DLC1: variants seen among roughly 807,000 people sequenced by gnomAD.
The protein encoded by DLC1 is rho GTPase-activating protein 7.
In DLC1, 54 loss-of-function variants were observed where a neutral mutation model predicts 140.3. That is an observed-to-expected ratio of 0.38 (90% CI 0.31 to 0.48). DLC1 has a LOEUF of 0.48. Ranked by LOEUF, DLC1 falls within the 20% of genes least tolerant of loss-of-function variation. The pLI, the probability that DLC1 is intolerant of heterozygous loss-of-function variation, is 0.96. For missense variants in DLC1, 2,536 were observed against 1,907.0 expected, an observed-to-expected ratio of 1.33 and a Z score of -6.14; for synonymous variants, 986 against 728.1, an observed-to-expected ratio of 1.35 and a Z score of -5.70.
chr8:13,157,791 T>G (rs1307836419), intron 5 of DLC1, among the ~76,000 whole-genome samples: 1 of 152,244 alleles, frequency 6.6e-6, no homozygotes, highest in African/African-American at 2.4e-5. Context: ...ATAATTTTTA[T>G]TACACTTGGA....
At chr8:13,184,363 C>T (rs1346782235) in intron 5 of DLC1, among the ~76,000 whole-genome samples, 1 of 152,024 alleles carries the variant, frequency 6.6e-6, no homozygotes, top group Non-Finnish European at 1.5e-5. Context: ...TTTGCTCTTG[C>T]TTCTCTAGTT....
At chr8:13,451,061 A>AAAAAAAAAAAAAAAAAAAAAAAAAAAG (rs1563357501) in intron 2 of DLC1, among the ~76,000 whole-genome samples, 1 of 138,404 alleles carries the variant, frequency 7.2e-6, no homozygotes, top group Admixed American at 7.2e-5. Context: ...AAAAAAAAAA[A>AAAAAAAAAAAAAAAAAAAAAAAAAAAG]AAAAAAAGAA....
chr8:13,543,543 A>T (rs1446037458), intron 1 of DLC1, among the ~76,000 whole-genome samples: 2 of 152,188 alleles, frequency 1.3e-5, no homozygotes, highest in Non-Finnish European at 2.9e-5. Context: ...GAGATATGGA[A>T]CCAACCTAAG....
At chr8:13,402,368 G>A (rs1421109886) in intron 2 of DLC1, among the ~76,000 whole-genome samples, 1 of 152,128 alleles carries the variant, frequency 6.6e-6, no homozygotes, top group African/African-American at 2.4e-5. Flanking sequence ...CAACCATTCT[G>A]GTGTGTTTAA....
intron 2 of DLC1, among the ~76,000 whole-genome samples, chr8:13,453,420 A>ATTTTTTTTTTTTT (rs1218533007): frequency 4.4e-5 from 1 of 22,710 alleles, no homozygotes; most frequent in Non-Finnish European, 7.9e-5. Flanking sequence ...ATATATATAT[A>ATTTTTTTTTTTTT]TATGTGTATA....
At chr8:13,588,041 C>T (rs1050256449) in intron 1 of DLC1, among the ~76,000 whole-genome samples, 1 of 151,944 alleles carries the variant, frequency 6.6e-6, no homozygotes, top group Admixed American at 6.6e-5. Context: ...CAGCTTACAC[C>T]AGAGGTTAAG....
chr8:13,132,761 C>T (rs35659748), intron 5 of DLC1, among the ~76,000 whole-genome samples: 4 of 152,140 alleles, frequency 2.6e-5, no homozygotes, highest in Non-Finnish European at 5.9e-5. Context: ...ACTCCCTCCC[C>T]AAACTGCGAG....
chr8:13,443,689 A>T (rs890615916), intron 2 of DLC1, among the ~76,000 whole-genome samples: 1 of 151,938 alleles, frequency 6.6e-6, no homozygotes, highest in African/African-American at 2.4e-5. Context: ...AAAGAAAAAA[A>T]CAGAAAGAAA....
chr8:13,597,609 G>T (rs1805726540), intron 1 of DLC1, among the ~76,000 whole-genome samples: 1 of 151,964 alleles, frequency 6.6e-6, no homozygotes, highest in Admixed American at 6.6e-5. Flanking sequence ...TAATGTGTGT[G>T]TATATATCAT....
intron 1 of DLC1, among the ~76,000 whole-genome samples, chr8:13,563,992 T>C (rs193128126): frequency 6.6e-6 from 1 of 152,316 alleles, no homozygotes; most frequent in Admixed American, 6.5e-5. Flanking sequence ...ACTTTATCAA[T>C]GTTTATAGTA....
chr8:13,590,257 A>G (rs1805474491), intron 1 of DLC1, among the ~76,000 whole-genome samples: 1 of 151,872 alleles, frequency 6.6e-6, no homozygotes, highest in Non-Finnish European at 1.5e-5. Context: ...TTCCCACATT[A>G]TGAGTCCTCC....
Position 13,088,383 on chromosome 8 carries a change from C to A in DLC1, c.4292+104G>T. 3.7e-6 allele frequency: 5 copies of A among 1,342,310 alleles called. No individual in the cohort carries two copies. The South Asian group carries it at 4.3e-5, about 11-fold the overall frequency. 83.1% of individuals were successfully genotyped at this position (1,342,310 alleles called of 1,614,324 possible). ...AGGTGTGAGCCACCATATGCCCGGC[C>A]TCTACTTTAAATAATTATACCATCT... On this transcript the variant is annotated intron_variant, in intron 16 of 17. Coordinates refer to ENST00000276297, the MANE Select transcript of DLC1 (RefSeq NM_182643.3).
chr8:13,378,293 G>A (rs1041857571), intron 4 of DLC1, among the ~76,000 whole-genome samples: 1 of 151,148 alleles, frequency 6.6e-6, no homozygotes, highest in Non-Finnish European at 1.5e-5. Context: ...TTTCTCATCA[G>A]AGAAGAAAGT....
At chr8:13,450,887 A>G (rs1019733149) in intron 2 of DLC1, among the ~76,000 whole-genome samples, 5 of 151,796 alleles carry the variant, frequency 3.3e-5, no homozygotes, top group Admixed American at 3.3e-4. Flanking sequence ...AAAAATACAA[A>G]AATTAGCTGG....
intron 2 of DLC1, among the ~76,000 whole-genome samples, chr8:13,453,498 ATATG>A (rs1210359946): frequency 2.8e-5 from 1 of 36,034 alleles, no homozygotes; most frequent in Non-Finnish European, 4.8e-5. Context: ...ATACATATAT[ATATG>A]TATATATATA....
chr8:13,447,506 G>C (rs1798832183), intron 2 of DLC1, among the ~76,000 whole-genome samples: 1 of 152,072 alleles, frequency 6.6e-6, no homozygotes, highest in Non-Finnish European at 1.5e-5. Flanking sequence ...AGGAAGATGG[G>C]ATTTTTGTTC....
intron 4 of DLC1, among the ~76,000 whole-genome samples, chr8:13,372,554 A>G (rs1433736188): frequency 6.6e-6 from 1 of 152,180 alleles, no homozygotes; most frequent in African/African-American, 2.4e-5. Flanking sequence ...TTCATCACTG[A>G]TGAAACACTG....
chr8:13,399,239 C>T (rs1387314857), intron 3 of DLC1, among the ~76,000 whole-genome samples: 1 of 152,088 alleles, frequency 6.6e-6, no homozygotes, highest in Admixed American at 6.5e-5. Context: ...GTCTGACAAC[C>T]AGGGAATTCT....
At chr8:13,162,060 A>G (rs1824746116) in intron 5 of DLC1, among the ~76,000 whole-genome samples, 1 of 152,206 alleles carries the variant, frequency 6.6e-6, no homozygotes, top group Non-Finnish European at 1.5e-5. Flanking sequence ...GTAGGGGTTT[A>G]TGAAAGTTTT....
Sources: allele counts gnomAD v4.1 joint callset (sites outside exome capture counted in the v4.1 genomes callset), GRCh38; gene constraint gnomAD v4.1.1; transcripts MANE v1.5; gene names NCBI Gene and HGNC (gene_info 2026-07-23, HGNC 2026-07-21).